CELF2: variants seen among roughly 807,000 people sequenced by gnomAD.
The protein encoded by CELF2 is CUG triplet repeat RNA-binding protein 2.
A neutral mutation model predicts 62.6 loss-of-function variants in CELF2; 8 were observed. The observed-to-expected ratio is 0.13, with a 90% confidence interval of 0.07 to 0.23. The LOEUF (loss-of-function observed/expected upper bound fraction) is 0.23, where lower values mean the gene tolerates loss of function less well. CELF2 is among the 10% of genes least tolerant of loss of function. The pLI is 1.00. For missense variants in CELF2, 333 were observed against 671.0 expected (o/e 0.50, Z 5.56); for synonymous variants, 258 against 250.0 (o/e 1.03, Z -0.30).
chr10:10,775,701 A>C, the CELF2 span, among the ~76,000 whole-genome samples: 2 of 152,182 alleles, frequency 1.3e-5, no homozygotes, highest in African/African-American at 4.8e-5. Context: ...GCATCATAAG[A>C]ATTCCAGATT....
the CELF2 span, among the ~76,000 whole-genome samples, chr10:10,777,307 G>T: frequency 4.2e-4 from 64 of 152,142 alleles, no homozygotes; most frequent in Non-Finnish European, 4.3e-4. Context: ...TCCTCATACA[G>T]ATGTCCCAGG....
chr10:11,111,757 G>A (rs1002752252), intron 1 of CELF2, among the ~76,000 whole-genome samples: 1 of 152,230 alleles, frequency 6.6e-6, no homozygotes, highest in African/African-American at 2.4e-5. Flanking sequence ...CCAAGTTCAC[G>A]TTGGATACGC....
intron 1 of CELF2, among the ~76,000 whole-genome samples, chr10:11,148,711 A>T (rs1430974149): frequency 6.6e-6 from 1 of 152,136 alleles, no homozygotes; most frequent in East Asian, 1.9e-4. Flanking sequence ...TGGTTCCATA[A>T]TTTATTTCAC....
rs1054289997 is a variant in CELF2, at chr10:11,260,260, C to T, written c.538+2388C>T. ...TCTGCATGTGTTAGCGGAGAGACCC[C>T]GGGCGGGCAGTATGTGTGCTTGATT... On this transcript the variant is annotated intron_variant, in intron 5 of 12. Transcript: ENST00000633077. This position sits in a 1 kb window ranked among gnomAD's most constrained non-coding sequence, Gnocchi z 4.2. Among the ~76,000 whole-genome samples the T allele has an allele frequency of 2.6e-4, 39 of 152,266 alleles. No homozygotes were observed. The highest frequency in any genetic ancestry group is 8.7e-4 in the African/African-American group (36 of 41,544).
Position 11,309,145 on chromosome 10 carries a change from T to C in CELF2, c.977-4994T>C, listed in dbSNP as rs1011983780. Among the ~76,000 whole-genome samples, 3 of 152,246 alleles carry C rather than the reference T, an allele frequency of 2.0e-5. No individual in the cohort carries two copies. Among genetic ancestry groups the C allele is most frequent in the African/African-American group, 7.2e-5 (3 of 41,444 alleles). ...GCCCTCTTACGCACAGTTTCTGTTG[T>C]CTGCTGTCTGCTTTTTCCTGTGTAC... On this transcript the variant is annotated intron_variant, in intron 9 of 12. Coordinates refer to ENST00000633077, the MANE Select transcript of CELF2 (RefSeq NM_001326342.2). The surrounding 1 kb of genome is among the most constrained non-coding windows in gnomAD (Gnocchi z 5.6).
the CELF2 span, among the ~76,000 whole-genome samples, chr10:10,717,167 C>A: frequency 6.6e-6 from 1 of 152,054 alleles, no homozygotes; most frequent in Non-Finnish European, 1.5e-5. Context: ...AAAAAAGATA[C>A]AAATGGTGAT....
At chr10:10,491,678 T>C in the CELF2 span, among the ~76,000 whole-genome samples, 3 of 152,200 alleles carry the variant, frequency 2.0e-5, no homozygotes, top group Non-Finnish European at 4.4e-5. Context: ...AAGTTTGTGT[T>C]GCATTCAAAC....
At chr10:10,587,856 G>T in the CELF2 span, among the ~76,000 whole-genome samples, 4 of 152,014 alleles carry the variant, frequency 2.6e-5, no homozygotes, top group Admixed American at 6.6e-5. Flanking sequence ...CTAGCTTATG[G>T]CTCTGTGGGC....
At chr10:10,522,871 C>T in the CELF2 span, among the ~76,000 whole-genome samples, 39,825 of 152,018 alleles carry the variant, frequency 0.26, 5,769 homozygotes, top group Non-Finnish European at 0.34. Flanking sequence ...TGTCTGGCCA[C>T]CAGAAGGTTA....
the CELF2 span, among the ~76,000 whole-genome samples, chr10:10,491,425 C>T: frequency 6.6e-6 from 1 of 152,144 alleles, no homozygotes. Flanking sequence ...TTGCCTCTTG[C>T]TCTTTGGTAT....
the CELF2 span, among the ~76,000 whole-genome samples, chr10:10,718,451 C>G: frequency 6.6e-6 from 1 of 151,954 alleles, no homozygotes; most frequent in African/African-American, 2.4e-5. Context: ...TGGTGAAACC[C>G]CCTCTGTACT....
At chr10:10,707,641 G>A in the CELF2 span, among the ~76,000 whole-genome samples, 1 of 152,186 alleles carries the variant, frequency 6.6e-6, no homozygotes, top group Non-Finnish European at 1.5e-5. Context: ...TGTCAGTGCT[G>A]AAGCAGAAGC....
upstream of CELF2, among the ~76,000 whole-genome samples, chr10:11,014,852 G>A (rs994290080): frequency 5.3e-5 from 8 of 152,168 alleles, no homozygotes; most frequent in African/African-American, 1.4e-4. Flanking sequence ...TTAAAAAAAG[G>A]AGACAATTAG....
intron 2 of CELF2, among the ~76,000 whole-genome samples, chr10:11,196,857 G>T (rs920721958): frequency 2.6e-5 from 4 of 151,404 alleles, no homozygotes; most frequent in African/African-American, 9.7e-5. Context: ...CGCTCATGGG[G>T]CTGAGGCAGG....
At chr10:10,588,426 C>A in the CELF2 span, among the ~76,000 whole-genome samples, 1 of 152,162 alleles carries the variant, frequency 6.6e-6, no homozygotes, top group Non-Finnish European at 1.5e-5. Flanking sequence ...GCAGCTCTGG[C>A]ATTCTGTGAA....
chr10:10,928,538 G>A lies in CELF2; in HGVS notation c.89+8539G>A, dbSNP rs541500100. On this transcript the variant is annotated intron_variant, in intron 2 of 13. Coordinates refer to the CELF2 transcript ENST00000636488. The surrounding 1 kb of genome is among the most constrained non-coding windows in gnomAD (Gnocchi z 4.8). ...CAGCCATAACATCTATTTATGTGTT[G>A]TCTGTACCATTTTTGTGCTACAACA... Among the ~76,000 whole-genome samples, 1 of 152,098 alleles carries A rather than the reference G, an allele frequency of 6.6e-6. No homozygotes were observed. Among genetic ancestry groups the A allele is most frequent in the Non-Finnish European group, 1.5e-5 (1 of 68,030 alleles).
At chr10:10,768,883 A>C in the CELF2 span, among the ~76,000 whole-genome samples, 1 of 151,950 alleles carries the variant, frequency 6.6e-6, no homozygotes, top group African/African-American at 2.4e-5. Context: ...CCTCTTTCTT[A>C]ATTTTTATTG....
chr10:11,232,759 A>C (rs1447356058), intron 3 of CELF2, among the ~76,000 whole-genome samples: 1 of 152,108 alleles, frequency 6.6e-6, no homozygotes, highest in Non-Finnish European at 1.5e-5. Context: ...GCCCACATTC[A>C]TGGATAGGAG....
At position 11,221,310 on chromosome 10, in the gene CELF2, C is replaced by T. The variant is rs1241028042; in HGVS notation, c.354+3803C>T. ...CTGGTAGTTTGTTCAGTAGAAATGT[C>T]ATTATCTACCATTGTGTTTCCCAGA... is the stretch of plus-strand genomic sequence containing the variant. On this transcript the variant is annotated intron_variant, in intron 3 of 12. Transcript: ENST00000633077. Among the ~76,000 whole-genome samples the T allele has an allele frequency of 2.6e-5, 4 of 152,200 alleles. No individual in the cohort carries two copies. The East Asian group carries it at 7.7e-4, about 29-fold the overall frequency.
Sources: gnomAD v4.1 joint callset for allele counts (sites outside exome capture counted in the v4.1 genomes callset) on GRCh38, gnomAD v4.1.1 for gene constraint, Gnocchi (gnomAD v3.1) non-coding constraint, MANE v1.5 for transcripts, NCBI Gene and HGNC (gene_info 2026-07-23, HGNC 2026-07-21) for gene names.